SKAP2: variants seen among roughly 807,000 people sequenced by gnomAD.
SKAP2 encodes the protein src kinase-associated phosphoprotein 2.
Under a neutral mutation model 54.9 loss-of-function variants are expected in SKAP2, and 28 were observed. The observed-to-expected ratio is 0.51, with a 90% CI of 0.38 to 0.70. The LOEUF (loss-of-function observed/expected upper bound fraction) is 0.70. SKAP2 is among the 30% of genes least tolerant of loss of function. The probability of loss-of-function intolerance (pLI) is 0.00; values close to 1 mark genes in which losing one functional copy is unlikely to be tolerated. For missense variants in SKAP2, 356 were observed against 424.1 expected, an observed-to-expected ratio of 0.84 and a Z score of 1.41; for synonymous variants, 137 against 134.3, an observed-to-expected ratio of 1.02 and a Z score of -0.14.
At position 26,738,891 on chromosome 7, in the gene SKAP2, G is replaced by C. The variant is rs1386439898; in HGVS notation, c.386-13C>G. 9.8e-6 allele frequency: 15 copies of C among 1,524,852 alleles called. No individual in the cohort carries two copies. The highest frequency in any genetic ancestry group is 2.7e-5 in the African/African-American group (2 of 73,044). 94.5% of individuals were successfully genotyped at this position (1,524,852 alleles called of 1,614,324 possible). On this transcript the variant is annotated splice_polypyrimidine_tract_variant and intron_variant, in intron 5 of 12. Coordinates refer to ENST00000345317, the MANE Select transcript of SKAP2 (RefSeq NM_003930.5). Reference sequence around the variant, plus strand: ...AGAAAGCTGTGATCTGCAATAAAGAGGGGAAAATGTAAGGCCATTTCCTTA... The same window carrying C: ...AGAAAGCTGTGATCTGCAATAAAGACGGGAAAATGTAAGGCCATTTCCTTA...
At chr7:26,738,067 C>T (rs1169139903) in intron 6 of SKAP2, among the ~76,000 whole-genome samples, 1 of 152,144 alleles carries the variant, frequency 6.6e-6, no homozygotes, top group Non-Finnish European at 1.5e-5. Flanking sequence ...GTGATGACTA[C>T]ACCTGTGAAC....
chr7:26,824,287 G>A (rs541953859), intron 4 of SKAP2, among the ~76,000 whole-genome samples: 1 of 152,270 alleles, frequency 6.6e-6, no homozygotes, highest in South Asian at 2.1e-4. Context: ...AGTATGTGTG[G>A]GGTTTTGTAG....
At chr7:26,665,182 C>T (rs116380368), downstream of SKAP2, among the ~76,000 whole-genome samples, 213 of 152,276 alleles carry the variant, frequency 1.4e-3, 1 homozygote, top group Middle Eastern at 0.017. Flanking sequence ...AAGTGGAATG[C>T]AGGGCAGCAG....
At chr7:26,816,254 T>C (rs1014334363) in intron 4 of SKAP2, among the ~76,000 whole-genome samples, 9 of 152,160 alleles carry the variant, frequency 5.9e-5, no homozygotes, top group African/African-American at 1.4e-4. Context: ...TGTTAATTTA[T>C]GCAATTATGA....
chr7:26,861,613 C>A (rs1785272482), intron 1 of SKAP2, among the ~76,000 whole-genome samples: 2 of 128,806 alleles, frequency 1.6e-5, no homozygotes, highest in African/African-American at 3.1e-5. Flanking sequence ...CAATAACAAC[C>A]TCTTTTTTTT....
chr7:26,751,897 G>T (rs908025471), intron 4 of SKAP2, among the ~76,000 whole-genome samples: 1 of 152,046 alleles, frequency 6.6e-6, no homozygotes, highest in Non-Finnish European at 1.5e-5. Context: ...GAGGGAGGGG[G>T]AGGATGGAAG....
chr7:26,746,612 A>T (rs758439595), intron 4 of SKAP2: 5 of 144,562 alleles, frequency 3.5e-5, no homozygotes, highest in Non-Finnish European at 6.0e-5. Context: ...TCTCAGTTCC[A>T]TACCTTTTTT....
chr7:26,672,828 A>G (rs1786271569), intron 11 of SKAP2, among the ~76,000 whole-genome samples: 1 of 152,032 alleles, frequency 6.6e-6, no homozygotes, highest in Non-Finnish European at 1.5e-5. Context: ...AACCATTTGC[A>G]GCCTATAAAT....
intron 4 of SKAP2, among the ~76,000 whole-genome samples, chr7:26,743,633 G>A (rs1227825355): frequency 1.3e-5 from 2 of 152,126 alleles, no homozygotes; most frequent in African/African-American, 4.8e-5. Context: ...TACTGAGAAA[G>A]ACTAGTTTTC....
the SKAP2 span, among the ~76,000 whole-genome samples, chr7:26,661,960 C>G: frequency 6.6e-6 from 1 of 152,108 alleles, no homozygotes; most frequent in East Asian, 1.9e-4. Context: ...ACAGGCACCA[C>G]TGGTATTCCG....
At chr7:26,847,348 C>G (rs183175784) in intron 3 of SKAP2, among the ~76,000 whole-genome samples, 7 of 152,148 alleles carry the variant, frequency 4.6e-5, no homozygotes, top group Admixed American at 6.5e-5. Flanking sequence ...TTTCCTCCCC[C>G]CTAATTTTTT....
intron 4 of SKAP2, among the ~76,000 whole-genome samples, chr7:26,769,990 A>G (rs886539453): frequency 1.3e-5 from 2 of 152,252 alleles, no homozygotes; most frequent in Admixed American, 1.3e-4. Context: ...GTGCTGGGAG[A>G]TCTGCTGCGC....
intron 9 of SKAP2, among the ~76,000 whole-genome samples, chr7:26,720,312 A>G (rs536771927): frequency 1.4e-4 from 21 of 152,350 alleles, no homozygotes; most frequent in African/African-American, 5.1e-4. Flanking sequence ...TGCAATGCCA[A>G]TGGCAACATA....
At chr7:26,711,237 T>C (rs1045686643) in intron 9 of SKAP2, among the ~76,000 whole-genome samples, 1 of 152,230 alleles carries the variant, frequency 6.6e-6, no homozygotes, top group African/African-American at 2.4e-5. Context: ...TATATAGTAA[T>C]ACATACCAGG....
chr7:26,803,085 C>T (rs10238067), intron 4 of SKAP2, among the ~76,000 whole-genome samples: 1 of 152,044 alleles, frequency 6.6e-6, no homozygotes, highest in Non-Finnish European at 1.5e-5. Flanking sequence ...CAAAACCCCG[C>T]AAGCACAGGC....
chr7:26,857,597 AG>A (rs1785198776), intron 1 of SKAP2: 1 of 985,298 alleles, frequency 1.0e-6, no homozygotes, highest in African/African-American at 1.7e-5. Context: ...AAGAAGTTGT[AG>A]GGCTGCGAGA....
At position 26,686,825 on chromosome 7, in the gene SKAP2, C is replaced by T. The variant is rs1234890738; in HGVS notation, c.875-1977G>A. On this transcript the variant is annotated intron_variant, in intron 10 of 12. Transcript: ENST00000345317. Reference sequence around the variant, plus strand: ...CAAGGCCTTCCCCCACAGTAACATGCGAGGCCCTCCCCCACAGTAACTGGC... The same window carrying T: ...CAAGGCCTTCCCCCACAGTAACATGTGAGGCCCTCCCCCACAGTAACTGGC... Among the ~76,000 whole-genome samples the T allele has an allele frequency of 3.3e-5, 5 of 152,052 alleles. No homozygotes were observed. The East Asian group carries it at 7.8e-4, about 24-fold the overall frequency.
At chr7:26,811,914 A>AT (rs1232302407) in intron 4 of SKAP2, among the ~76,000 whole-genome samples, 1 of 152,250 alleles carries the variant, frequency 6.6e-6, no homozygotes, top group Non-Finnish European at 1.5e-5. Context: ...AATTTACCTT[A>AT]TAAGTAAAAT....
At chr7:26,706,111 TAACA>T (rs1787150150) in intron 9 of SKAP2, among the ~76,000 whole-genome samples, 1 of 152,224 alleles carries the variant, frequency 6.6e-6, no homozygotes, top group African/African-American at 2.4e-5. Flanking sequence ...TAACTCTTTC[TAACA>T]AATAGATTAA....
Sources: gnomAD v4.1 joint callset for allele counts (sites outside exome capture counted in the v4.1 genomes callset) on GRCh38, gnomAD v4.1.1 for gene constraint, MANE v1.5 for transcripts, NCBI Gene and HGNC (gene_info 2026-07-23, HGNC 2026-07-21) for gene names.